Variants in PHLPP2 observed in about 807,000 individuals in gnomAD.
The protein encoded by PHLPP2 is PH domain leucine-rich repeat-containing protein phosphatase 2.
Under a neutral mutation model 124.9 loss-of-function variants are expected in PHLPP2, and 66 were observed. That is an observed-to-expected ratio of 0.53 (90% CI 0.43 to 0.65). The LOEUF (loss-of-function observed/expected upper bound fraction) is 0.65, where lower values mean the gene tolerates loss of function less well. Among genes scored for constraint, PHLPP2 ranks in the 30% least tolerant of loss-of-function variants. The pLI is 0.00. For missense variants in PHLPP2, 1,685 were observed against 1,600.4 expected (o/e 1.05, Z -0.90); for synonymous variants, 681 against 624.7 (o/e 1.09, Z -1.34).
In PHLPP2 at chr16:71,645,907, C is replaced by T. The variant is rs2044650114; in HGVS notation, c.*2983G>A. 1 of 152,420 alleles carries T rather than the reference C, an allele frequency of 6.6e-6. No individual in the cohort carries two copies. Among genetic ancestry groups the T allele is most frequent in the Non-Finnish European group, 1.5e-5 (1 of 68,044 alleles). The allele number at this position is 152,420 out of a possible 1,614,324, so 9.4% of individuals were successfully genotyped here. On this transcript the variant is annotated 3_prime_UTR_variant, in exon 19 of 19. Transcript: ENST00000568954. The stretch of plus-strand genomic sequence containing the variant: ...CCATTTGGACAAAAATACACCATGG[C>T]TGCCAAGACACATGTATTTTTCTTT...
chr16:71,714,083 G>A (rs1207966295), intron 2 of PHLPP2, among the ~76,000 whole-genome samples: 1 of 151,652 alleles, frequency 6.6e-6, no homozygotes, highest in Admixed American at 6.6e-5. Flanking sequence ...GGGATTACAG[G>A]TGCGCACTAC....
At chr16:71,663,497 A>T (rs1218117736) in intron 13 of PHLPP2, among the ~76,000 whole-genome samples, 1 of 152,206 alleles carries the variant, frequency 6.6e-6, no homozygotes, top group Non-Finnish European at 1.5e-5. Flanking sequence ...TAGAGGACAG[A>T]GACTGTAACT....
At chr16:71,711,346 G>T (rs896117799) in intron 2 of PHLPP2, among the ~76,000 whole-genome samples, 1 of 150,984 alleles carries the variant, frequency 6.6e-6, no homozygotes, top group African/African-American at 2.4e-5. Flanking sequence ...AAAAAAAAAG[G>T]AATTAAGATG....
At chr16:71,715,250 C>T (rs2045354641) in intron 1 of PHLPP2, 1 of 165,802 alleles carries the variant, frequency 6.0e-6, no homozygotes. Flanking sequence ...GTCCCAGCTA[C>T]TTGAGGGTGG....
At chr16:71,685,877 CATAT>C (rs768373298) in intron 4 of PHLPP2, among the ~76,000 whole-genome samples, 1 of 152,140 alleles carries the variant, frequency 6.6e-6, no homozygotes, top group Non-Finnish European at 1.5e-5. Flanking sequence ...TATATTGTTA[CATAT>C]ATATAACTTT....
chr16:71,668,750 T>A (rs1197635940), intron 11 of PHLPP2, among the ~76,000 whole-genome samples: 4 of 151,904 alleles, frequency 2.6e-5, no homozygotes, highest in African/African-American at 9.7e-5. Flanking sequence ...GGTGACAGAA[T>A]GAGACCCTGT....
At chr16:71,693,918 TG>T (rs1346401377) in intron 3 of PHLPP2, among the ~76,000 whole-genome samples, 3 of 152,116 alleles carry the variant, frequency 2.0e-5, no homozygotes, top group African/African-American at 7.2e-5. Context: ...TCTGGCCAGG[TG>T]TAGTGGCTTA....
chr16:71,718,090 G>A (rs1442061232), intron 1 of PHLPP2, among the ~76,000 whole-genome samples: 1 of 151,948 alleles, frequency 6.6e-6, no homozygotes, highest in Non-Finnish European at 1.5e-5. Context: ...ATGGAGTCTT[G>A]CTATGTTGCC....
At chr16:71,651,341 A>T (rs922060604) in intron 18 of PHLPP2, among the ~76,000 whole-genome samples, 11 of 151,286 alleles carry the variant, frequency 7.3e-5, no homozygotes, top group African/African-American at 2.7e-4. Context: ...TCTGCCTCAA[A>T]AAAAAAAAAA....
intron 4 of PHLPP2, among the ~76,000 whole-genome samples, chr16:71,687,659 T>C (rs575395455): frequency 3.3e-5 from 5 of 152,190 alleles, no homozygotes; most frequent in South Asian, 4.1e-4. Context: ...TTAGTGGCTA[T>C]TGTTAAATTT....
At chr16:71,692,669 C>T (rs1196044796) in intron 3 of PHLPP2, among the ~76,000 whole-genome samples, 1 of 152,086 alleles carries the variant, frequency 6.6e-6, no homozygotes, top group Non-Finnish European at 1.5e-5. Context: ...TACCAAAATC[C>T]ACAGATGCTA....
intron 3 of PHLPP2, among the ~76,000 whole-genome samples, chr16:71,696,294 A>G (rs1199491795): frequency 6.6e-6 from 1 of 152,066 alleles, no homozygotes; most frequent in Admixed American, 6.6e-5. Flanking sequence ...TACCAAATCA[A>G]CTACACACTA....
intron 15 of PHLPP2, among the ~76,000 whole-genome samples, chr16:71,657,156 T>G (rs2145310346): frequency 6.6e-6 from 1 of 152,160 alleles, no homozygotes; most frequent in South Asian, 2.1e-4. Context: ...TTGGCCAGGC[T>G]GGTCTCGAAC....
At chr16:71,656,052 C>A (rs1482054634) in intron 16 of PHLPP2, among the ~76,000 whole-genome samples, 3 of 152,022 alleles carry the variant, frequency 2.0e-5, no homozygotes, top group African/African-American at 7.2e-5. Flanking sequence ...TCAAAGACCA[C>A]CAGAGCACAC....
intron 16 of PHLPP2, 43 bp downstream of exon 16, chr16:71,656,528 G>A: frequency 1.8e-6 from 2 of 1,138,036 alleles, no homozygotes; most frequent in Non-Finnish European, 2.7e-6. Context: ...GATGCCAGGG[G>A]CTGCCTTTTT....
intron 18 of PHLPP2, among the ~76,000 whole-genome samples, chr16:71,652,344 A>G (rs2044702675): frequency 6.6e-6 from 1 of 152,268 alleles, no homozygotes; most frequent in South Asian, 2.1e-4. Context: ...AAACAGTAGA[A>G]ATACTGATGT....
At chr16:71,658,015 T>TG (rs1215691008) in intron 15 of PHLPP2, among the ~76,000 whole-genome samples, 1 of 152,176 alleles carries the variant, frequency 6.6e-6, no homozygotes, top group Non-Finnish European at 1.5e-5. Context: ...TTCAGTATGT[T>TG]GGGGGGTAGT....
chr16:71,688,224 G>A (rs1448500353), intron 4 of PHLPP2, among the ~76,000 whole-genome samples: 1 of 152,168 alleles, frequency 6.6e-6, no homozygotes, highest in Non-Finnish European at 1.5e-5. Flanking sequence ...GTATATCTCA[G>A]TAGCTACAAG....
Position 71,655,358 on chromosome 16 carries a change from G to C in PHLPP2, c.2467C>G (p.Arg823Gly), listed in dbSNP as rs757767553. The stretch of plus-strand genomic sequence containing the variant: ...AGCAGGCGCGGGAGCTCCTCATTTC[G>C]GTCTCCATCAAACATGCCATACACA... The part of the protein sequence containing the change: ...GAVYGMFDGD[R>G]NEELPRLLQC... Residue 823 changes from arginine (R) to glycine (G), a missense_variant, in exon 17 of 19, where the codon CGA becomes GGA. Coordinates refer to ENST00000568954, the MANE Select transcript of PHLPP2 (RefSeq NM_015020.3). 6.2e-7 allele frequency: 1 copy of C among 1,613,848 alleles called. No individual in the cohort carries two copies. Among genetic ancestry groups the C allele is most frequent in the South Asian group, 1.1e-5 (1 of 91,070 alleles).
Sources: allele counts gnomAD v4.1 joint callset (sites outside exome capture counted in the v4.1 genomes callset), GRCh38; gene constraint gnomAD v4.1.1; transcripts MANE v1.5; gene names NCBI Gene and HGNC (gene_info 2026-07-23, HGNC 2026-07-21).